Variants in ZBTB8OS observed in about 807,000 individuals in gnomAD.
The protein encoded by ZBTB8OS is tRNA-splicing ligase-activating factor archease.
A neutral mutation model predicts 29.3 loss-of-function variants in ZBTB8OS; 16 were observed. The ratio of observed to expected loss-of-function variants is 0.55; its 90% CI spans 0.37 to 0.83. ZBTB8OS has a LOEUF of 0.83. Ranked by LOEUF, ZBTB8OS falls within the 40% of genes least tolerant of loss-of-function variation. ZBTB8OS has a pLI of 0.00. For missense variants in ZBTB8OS, 160 were observed against 196.9 expected (o/e 0.81, Z 1.12); for synonymous variants, 70 against 64.6 (o/e 1.08, Z -0.40).
At chr1:32,628,365 G>A (rs772922047) in intron 5 of ZBTB8OS, among the ~76,000 whole-genome samples, 9 of 150,988 alleles carry the variant, frequency 6.0e-5, no homozygotes, top group Non-Finnish European at 1.2e-4. Context: ...GGTCAGGCGC[G>A]GTGGCTCATG....
intron 1 of ZBTB8OS, among the ~76,000 whole-genome samples, chr1:32,642,788 TCAAA>T (rs1570687720): frequency 1.4e-4 from 14 of 99,424 alleles, no homozygotes; most frequent in African/African-American, 3.3e-4. Flanking sequence ...TTTTTTTTTT[TCAAA>T]TGGAGTTTCC....
upstream of ZBTB8OS, chr1:32,650,687 C>T: frequency 7.5e-7 from 1 of 1,330,828 alleles, no homozygotes; most frequent in Middle Eastern, 1.9e-4. Context: ...CCCTACCCTG[C>T]CGCTTGGATC....
intron 5 of ZBTB8OS, among the ~76,000 whole-genome samples, chr1:32,628,746 G>T (rs1046370353): frequency 2.6e-5 from 4 of 151,978 alleles, no homozygotes; most frequent in African/African-American, 9.7e-5. Flanking sequence ...GACCAGCCTG[G>T]CCAACATGGT....
At chr1:32,628,632 T>A (rs1645304717) in intron 5 of ZBTB8OS, among the ~76,000 whole-genome samples, 1 of 145,002 alleles carries the variant, frequency 6.9e-6, no homozygotes, top group Admixed American at 7.0e-5. Flanking sequence ...CGAGACTCTG[T>A]CTCAAAAAAA....
At chr1:32,637,582 T>C (rs1646074817) in intron 1 of ZBTB8OS, among the ~76,000 whole-genome samples, 1 of 150,696 alleles carries the variant, frequency 6.6e-6, no homozygotes, top group Admixed American at 6.6e-5. Flanking sequence ...AAAAAAAGAA[T>C]CTAAACTGTG....
At chr1:32,637,464 A>G (rs1646062575) in intron 1 of ZBTB8OS, among the ~76,000 whole-genome samples, 1 of 151,970 alleles carries the variant, frequency 6.6e-6, no homozygotes, top group Admixed American at 6.6e-5. Context: ...GCTACTCCGG[A>G]AGCTGAGGCA....
intron 6 of ZBTB8OS, among the ~76,000 whole-genome samples, chr1:32,624,678 G>T (rs902880142): frequency 6.6e-6 from 1 of 152,118 alleles, no homozygotes; most frequent in Non-Finnish European, 1.5e-5. Context: ...TGGATCACCT[G>T]AAGTCAGGAG....
chr1:32,637,033 G>C (rs1043806112), intron 1 of ZBTB8OS, among the ~76,000 whole-genome samples: 1 of 151,994 alleles, frequency 6.6e-6, no homozygotes, highest in Non-Finnish European at 1.5e-5. Flanking sequence ...ACTGTCAGCT[G>C]TCAGACACAG....
chr1:32,637,461 C>T (rs1026803335), intron 1 of ZBTB8OS, among the ~76,000 whole-genome samples: 3 of 151,464 alleles, frequency 2.0e-5, no homozygotes, highest in Non-Finnish European at 2.9e-5. Context: ...CCAGCTACTC[C>T]GGAAGCTGAG....
intron 4 of ZBTB8OS, 43 bp from the exon 5 acceptor site, chr1:32,631,922 T>C (rs760830167): frequency 2.8e-6 from 3 of 1,069,194 alleles, no homozygotes; most frequent in South Asian, 3.2e-5. Flanking sequence ...AAGTTCATAA[T>C]AGACTATCTA....
At chr1:32,632,824 G>T (rs1570561625) in intron 4 of ZBTB8OS, among the ~76,000 whole-genome samples, 1 of 152,190 alleles carries the variant, frequency 6.6e-6, no homozygotes, top group Admixed American at 6.6e-5. Context: ...AATAAAAGCT[G>T]TTGTTTAACG....
At chr1:32,640,711 G>A (rs958835761) in intron 1 of ZBTB8OS, among the ~76,000 whole-genome samples, 7 of 151,890 alleles carry the variant, frequency 4.6e-5, no homozygotes, top group Admixed American at 1.3e-4. Flanking sequence ...GTTTTGCCAC[G>A]TTGCCCAGGC....
At chr1:32,641,955 G>A (rs4951777) in intron 1 of ZBTB8OS, among the ~76,000 whole-genome samples, 147,569 of 152,168 alleles carry the variant, frequency 0.97, 71,717 homozygotes, top group East Asian at 1. Context: ...CAAAACCTTT[G>A]TACATACTTC....
At chr1:32,650,662 TTGACC>T (rs1570806477), upstream of ZBTB8OS, 10 of 1,541,454 alleles carry the variant, frequency 6.5e-6, no homozygotes, top group East Asian at 2.3e-4. Context: ...GAGTTGGCTG[TTGACC>T]TACTTTAGTC....
At position 32,621,966 on chromosome 1, in the gene ZBTB8OS, G is replaced by C; in HGVS notation, c.418-18C>G. On this transcript the variant is annotated intron_variant, in intron 6 of 6. Coordinates refer to ENST00000468695, the MANE Select transcript of ZBTB8OS (RefSeq NM_178547.5). ...TCTGTTCCCTAAAGTTGGGGTTAGA[G>C]AAAAAAAAAAAAAAAAGGAAAATAG... 5.4e-6 allele frequency: 5 copies of C among 918,986 alleles called. No homozygotes were observed. Among genetic ancestry groups the C allele is most frequent in the East Asian group, 3.0e-5 (1 of 33,434 alleles). 56.9% of individuals were successfully genotyped at this position (918,986 alleles called of 1,614,324 possible). A position where few individuals can be genotyped will look rare whatever the true frequency, so the allele number is the denominator to read the frequency against.
At chr1:32,623,945 G>T (rs1031043506) in intron 6 of ZBTB8OS, among the ~76,000 whole-genome samples, 13 of 152,086 alleles carry the variant, frequency 8.5e-5, no homozygotes, top group Admixed American at 3.3e-4. Context: ...ATTGAATCAC[G>T]GGGGCGGTTT....
At chr1:32,645,709 G>A (rs892744499) in intron 1 of ZBTB8OS, among the ~76,000 whole-genome samples, 1 of 152,084 alleles carries the variant, frequency 6.6e-6, no homozygotes, top group African/African-American at 2.4e-5. Context: ...AGACCAAGCC[G>A]AGTCTCAAAC....
Position 32,621,910 on chromosome 1 carries a change from C to A in ZBTB8OS, c.456G>T (p.Gln152His), listed in dbSNP as rs367686278. 4.4e-6 allele frequency: 7 copies of A among 1,590,504 alleles called. No homozygotes were observed. In the African/African-American group the frequency reaches 9.6e-5, roughly 22 times the overall value. ...CTTCCGGGTTCTCTTCATTATAGAC[C>A]TGCATTGCTGAATATGTTATTGCTT... ...EVKAITYSAMQVYNEENPEVF... is the reference protein window; with the variant it reads ...EVKAITYSAMHVYNEENPEVF... Residue 152 changes from glutamine to histidine, a missense_variant, in exon 7 of 7, where the codon CAG becomes CAT. Gln to His is a conservative substitution (Grantham distance 24, BLOSUM62 0). Transcript: ENST00000468695.
chr1:32,650,552 C>T, upstream of ZBTB8OS: 4 of 1,614,118 alleles, frequency 2.5e-6, no homozygotes, highest in African/African-American at 2.7e-5. Context: ...AGACACTCTA[C>T]TTCCGCCCTT....
Sources: gnomAD v4.1 joint callset for allele counts (sites outside exome capture counted in the v4.1 genomes callset) on GRCh38, gnomAD v4.1.1 for gene constraint, MANE v1.5 for transcripts, NCBI Gene and HGNC (gene_info 2026-07-23, HGNC 2026-07-21) for gene names.